The following P4HA3 variants were observed in gnomAD, a reference collection of about 807,000 sequenced individuals.
The protein encoded by P4HA3 is prolyl 4-hydroxylase subunit alpha-3.
Under a neutral mutation model 66.7 loss-of-function variants are expected in P4HA3, and 60 were observed. The ratio of observed to expected loss-of-function variants is 0.90; its 90% CI spans 0.73 to 1.12. The LOEUF (loss-of-function observed/expected upper bound fraction) is 1.12, where lower values mean the gene tolerates loss of function less well. P4HA3 is among the 50% of genes most tolerant of loss of function. The pLI is 0.00. For synonymous variants in P4HA3, 263 were observed against 274.6 expected (o/e 0.96, Z 0.42); for missense variants, 683 against 685.8 (o/e 1.00, Z 0.05).
At chr11:74,264,350 TCCCTACAGCATG>T (rs1859955996), downstream of P4HA3, among the ~76,000 whole-genome samples, 1 of 152,134 alleles carries the variant, frequency 6.6e-6, no homozygotes, top group Admixed American at 6.5e-5. Context: ...GGTGTTGCTA[TCCCTACAGCATG>T]CCCCCTAATA....
rs770071014 is a variant in P4HA3 at position 74,311,411 on chromosome 11, C to T, written c.200+1G>A. The T allele has an allele frequency of 2.0e-6, 3 of 1,514,492 alleles. No homozygotes were observed. The African/African-American group carries it at 4.3e-5, about 22-fold the overall frequency. 93.8% of individuals were successfully genotyped at this position (1,514,492 alleles called of 1,614,324 possible). On this transcript the variant is annotated splice_donor_variant, in intron 1 of 12. Coordinates refer to ENST00000331597, the MANE Select transcript of P4HA3 (RefSeq NM_182904.5). LOFTEE classifies it high-confidence loss of function. The stretch of plus-strand genomic sequence containing the variant: ...GTCGCTCCCACTCGTCGTGCCCTCA[C>T]CTAGTCAGGTCCCGCAGCCGCGCCT...
intron 1 of P4HA3, among the ~76,000 whole-genome samples, chr11:74,307,340 G>A (rs977713718): frequency 5.3e-5 from 8 of 152,190 alleles, no homozygotes; most frequent in African/African-American, 1.9e-4. Context: ...AGGCACAAAG[G>A]TAAAGTGGTA....
chr11:74,264,107 C>T (rs778074185), downstream of P4HA3, among the ~76,000 whole-genome samples: 10 of 152,088 alleles, frequency 6.6e-5, 1 homozygote, highest in Non-Finnish European at 1.5e-4. Flanking sequence ...ATAATTAGTG[C>T]AAATATAAGA....
In P4HA3 at chr11:74,279,557, G is replaced by C. The variant is rs1860519646; in HGVS notation, c.1111-105C>G. The stretch of plus-strand genomic sequence containing the variant: ...TCTCTTAAGCATCAACATAACAGAT[G>C]CCAGTTCCTCCTTAATTAGAGGACA... On this transcript the variant is annotated intron_variant, in intron 7 of 12. Transcript: ENST00000331597. 32 of 1,060,308 alleles carry C rather than the reference G, an allele frequency of 3.0e-5. 1 individual carries two copies. In the South Asian group the frequency reaches 4.0e-4, roughly 13 times the overall value. The allele number at this position is 1,060,308 out of a possible 1,614,324, so 65.7% of individuals were successfully genotyped here.
chr11:74,305,418 C>T (rs1435240506), intron 1 of P4HA3, among the ~76,000 whole-genome samples: 3 of 152,090 alleles, frequency 2.0e-5, no homozygotes, highest in African/African-American at 7.2e-5. Context: ...TTTAATTTTA[C>T]CCATTCCACA....
At chr11:74,305,526 A>T (rs1309331632) in intron 1 of P4HA3, among the ~76,000 whole-genome samples, 2 of 152,164 alleles carry the variant, frequency 1.3e-5, no homozygotes, top group African/African-American at 4.8e-5. Flanking sequence ...GCAGCTGATT[A>T]TGCTATATGG....
At chr11:74,269,215 T>C (rs1327484626) in intron 11 of P4HA3, among the ~76,000 whole-genome samples, 1 of 152,170 alleles carries the variant, frequency 6.6e-6, no homozygotes, top group Non-Finnish European at 1.5e-5. Flanking sequence ...CAAATCCCTA[T>C]TGCAACATCA....
chr11:74,270,176 AGT>A (rs1860145562), intron 10 of P4HA3, among the ~76,000 whole-genome samples: 1 of 152,326 alleles, frequency 6.6e-6, no homozygotes, highest in South Asian at 2.1e-4. Context: ...ATTCTATTCT[AGT>A]GTGGTTCTCT....
chr11:74,311,273 G>T, intron 1 of P4HA3, 139 bp downstream of exon 1: 1 of 1,015,454 alleles, frequency 9.8e-7, no homozygotes, highest in Non-Finnish European at 1.3e-6. Flanking sequence ...TGTCTCAGTC[G>T]CACGGTGCGA....
rs757288876 is a variant in P4HA3, at chr11:74,302,393, C to T, written c.543G>A (p.Gly181=). 1.5e-5 allele frequency: 25 copies of T among 1,613,598 alleles called. No individual in the cohort carries two copies. The highest frequency in any genetic ancestry group is 2.0e-5 in the Non-Finnish European group (24 of 1,179,944). ...YSPKRLFSLT[G]DDCFQVGKVA... ...CCTTGCCAACTTGGAAGCAGTCATC[C>T]CCTGTGAGAGAAAAGAGCCGTTTGG... is the stretch of plus-strand genomic sequence containing the variant. Residue 181 remains glycine, a synonymous_variant, in exon 3 of 13, where the codon GGG becomes GGA. Coordinates refer to ENST00000331597, the MANE Select transcript of P4HA3 (RefSeq NM_182904.5).
chr11:74,297,296 C>T (rs1449849082), intron 4 of P4HA3, among the ~76,000 whole-genome samples: 1 of 152,106 alleles, frequency 6.6e-6, no homozygotes, highest in Non-Finnish European at 1.5e-5. Context: ...TCGCCAGGAA[C>T]TTCCATGAAA....
intron 6 of P4HA3, 43 bp from the exon 7 acceptor site, chr11:74,286,028 A>T: frequency 6.4e-7 from 1 of 1,559,720 alleles, no homozygotes; most frequent in East Asian, 2.2e-5. Flanking sequence ...AGAAGGGTCT[A>T]GGAGCAAAAC....
At chr11:74,273,447 G>C in intron 10 of P4HA3, 98 bp downstream of exon 10, 1 of 1,127,200 alleles carries the variant, frequency 8.9e-7, no homozygotes, top group Non-Finnish European at 1.2e-6. Context: ...TTTGCGCTGA[G>C]TACCAGATAA....
chr11:74,279,324 G>C, intron 8 of P4HA3, 64 bp downstream of exon 8: 4 of 1,460,384 alleles, frequency 2.7e-6, no homozygotes, highest in Non-Finnish European at 3.8e-6. Flanking sequence ...TTGCTGACTG[G>C]CAGTCAGCTA....
chr11:74,252,433 C>G (rs1163979582), intron 15 of P4HA3: 5 of 454,872 alleles, frequency 1.1e-5, no homozygotes, highest in African/African-American at 8.0e-5. Flanking sequence ...ACAGTGTCTT[C>G]CCATGGCCAG....
chr11:74,277,347 T>C (rs1860436267), intron 8 of P4HA3, among the ~76,000 whole-genome samples: 1 of 152,238 alleles, frequency 6.6e-6, no homozygotes, highest in Non-Finnish European at 1.5e-5. Context: ...CAGTCCACTT[T>C]GTTCTCTACC....
intron 15 of P4HA3, among the ~76,000 whole-genome samples, chr11:74,258,942 T>G (rs1295780528): frequency 6.6e-6 from 1 of 152,176 alleles, no homozygotes; most frequent in African/African-American, 2.4e-5. Flanking sequence ...GGGGATTCAT[T>G]CATCCTGACT....
intron 10 of P4HA3, among the ~76,000 whole-genome samples, chr11:74,272,199 T>A (rs1425574499): frequency 7.8e-6 from 1 of 128,548 alleles, no homozygotes; most frequent in Non-Finnish European, 1.6e-5. Context: ...TGAAAGTGCA[T>A]GAGAGTGCAT....
chr11:74,272,529 C>G (rs551348973), intron 10 of P4HA3, among the ~76,000 whole-genome samples: 24 of 152,236 alleles, frequency 1.6e-4, no homozygotes, highest in African/African-American at 5.8e-4. Context: ...GGCCAGACAC[C>G]ATTGTAAGTG....
Sources: gnomAD v4.1 joint callset for allele counts (sites outside exome capture counted in the v4.1 genomes callset) on GRCh38, gnomAD v4.1.1 for gene constraint, MANE v1.5 for transcripts, NCBI Gene and HGNC (gene_info 2026-07-23, HGNC 2026-07-21) for gene names.